AGAP1: variants seen among roughly 807,000 people sequenced by gnomAD.
AGAP1 encodes the protein ArfGAP with GTPase domain, ankyrin repeat and PH domain 1.
A neutral mutation model predicts 105.3 loss-of-function variants in AGAP1; 29 were observed. The ratio of observed to expected loss-of-function variants is 0.28; its 90% CI spans 0.21 to 0.38. AGAP1 has a LOEUF of 0.38. Ranked by LOEUF, AGAP1 falls within the 10% of genes least tolerant of loss-of-function variation. The pLI is 1.00. For synonymous variants in AGAP1, 509 were observed against 485.9 expected (o/e 1.05, Z -0.63); for missense variants, 998 against 1,165.1 (o/e 0.86, Z 2.09).
At chr2:236,072,364 C>G (rs1401889063) in intron 16 of AGAP1, 1 of 152,190 alleles carries the variant, frequency 6.6e-6, no homozygotes, top group Admixed American at 6.5e-5. Flanking sequence ...TCGCTTGAAC[C>G]CGGGAGGCAG....
rs1175888568 is a variant in AGAP1 at position 235,733,568 on chromosome 2, G to T, written c.311-7395G>T. On this transcript the variant is annotated intron_variant, in intron 3 of 17. Transcript: ENST00000304032. The surrounding 1 kb of genome is among the most constrained non-coding windows in gnomAD (Gnocchi z 5.0). Reference sequence around the variant, plus strand: ...TTAGGAAAGGAGGAAAGGAAATTCAGTTATAGTGAAGTTCTAATCTGCCAT... The same window carrying T: ...TTAGGAAAGGAGGAAAGGAAATTCATTTATAGTGAAGTTCTAATCTGCCAT... 5.3e-5 allele frequency among the ~76,000 whole-genome samples: 8 copies of T among 152,212 alleles called. No individual in the cohort carries two copies. Among genetic ancestry groups the T allele is most frequent in the Non-Finnish European group, 1.2e-4 (8 of 68,044 alleles).
chr2:235,520,258 C>CT (rs1418302626), intron 1 of AGAP1, among the ~76,000 whole-genome samples: 1 of 152,222 alleles, frequency 6.6e-6, no homozygotes, highest in African/African-American at 2.4e-5. Context: ...TTCCAGTTGT[C>CT]TCATGATTAC....
intron 16 of AGAP1, among the ~76,000 whole-genome samples, chr2:236,057,357 C>T (rs1004685262): frequency 2.6e-5 from 4 of 152,220 alleles, no homozygotes; most frequent in African/African-American, 9.6e-5. Context: ...GATTTGCCTG[C>T]CTTGGCCCCC....
At chr2:235,848,048 C>T (rs1245290798) in intron 9 of AGAP1, among the ~76,000 whole-genome samples, 1 of 152,202 alleles carries the variant, frequency 6.6e-6, no homozygotes, top group African/African-American at 2.4e-5. Flanking sequence ...ATACCTTTTT[C>T]TAGGCACTGC....
At position 236,020,510 on chromosome 2, in the gene AGAP1, G is replaced by A. The variant is rs954282581; in HGVS notation, c.1646-16051G>A. ...AAGCGTGAGCTGTGGAGTCACACAC[G>A]CCTGGGTCTCATCCCCTCTCTGCCA... On this transcript the variant is annotated intron_variant, in intron 13 of 17. Coordinates refer to ENST00000304032, the MANE Select transcript of AGAP1 (RefSeq NM_001037131.3). The surrounding 1 kb of genome is among the most constrained non-coding windows in gnomAD (Gnocchi z 5.0). Among the ~76,000 whole-genome samples the A allele has an allele frequency of 2.6e-5, 4 of 152,146 alleles. No homozygotes were observed. Among genetic ancestry groups the A allele is most frequent in the Non-Finnish European group, 5.9e-5 (4 of 68,038 alleles).
chr2:236,066,067 C>T (rs570681023), intron 16 of AGAP1, among the ~76,000 whole-genome samples: 1 of 152,292 alleles, frequency 6.6e-6, no homozygotes, highest in South Asian at 2.1e-4. Context: ...CCTGAAAACC[C>T]TTCTTCCATT....
intron 9 of AGAP1, among the ~76,000 whole-genome samples, chr2:235,858,334 A>G (rs2048771521): frequency 6.6e-6 from 1 of 152,246 alleles, no homozygotes; most frequent in Non-Finnish European, 1.5e-5. Context: ...AGAGAAGTAT[A>G]TTTATCAAAC....
rs1430425525 is a variant in AGAP1, at chr2:235,931,663, A to G, written c.1483+740A>G. On this transcript the variant is annotated intron_variant, in intron 12 of 17. Coordinates refer to ENST00000304032, the MANE Select transcript of AGAP1 (RefSeq NM_001037131.3). This position sits in a 1 kb window ranked among gnomAD's most constrained non-coding sequence, Gnocchi z 5.6. ...ATCTATCAGACGGGGTTTTAGAGTAATCTTAGCATAATTTGTTCTAATTAA... is the reference window on the plus strand; with the variant it reads ...ATCTATCAGACGGGGTTTTAGAGTAGTCTTAGCATAATTTGTTCTAATTAA... Among the ~76,000 whole-genome samples, 2 of 151,978 alleles carry G rather than the reference A, an allele frequency of 1.3e-5. No individual in the cohort carries two copies. The highest frequency in any genetic ancestry group is 6.6e-5 in the Admixed American group (1 of 15,254).
rs545611799 is a variant in AGAP1, at chr2:235,901,160, G to A, written c.1156-7578G>A. On this transcript the variant is annotated intron_variant, in intron 10 of 17. Coordinates refer to ENST00000304032, the MANE Select transcript of AGAP1 (RefSeq NM_001037131.3). The surrounding 1 kb of genome is among the most constrained non-coding windows in gnomAD (Gnocchi z 4.3). ...TTATTCATAAATGTGGGATGTGAAC[G>A]TTTGCTTGATCTTTTTGAATGGGTG... 4.6e-5 allele frequency among the ~76,000 whole-genome samples: 7 copies of A among 152,138 alleles called. No individual in the cohort carries two copies. Among genetic ancestry groups the A allele is most frequent in the South Asian group, 4.1e-4 (2 of 4,834 alleles).
chr2:236,017,849 A>G (rs572062476), intron 13 of AGAP1, among the ~76,000 whole-genome samples: 2 of 152,276 alleles, frequency 1.3e-5, no homozygotes, highest in Admixed American at 6.5e-5. Flanking sequence ...GAAAATTGGG[A>G]TTCTGATAAC....
chr2:236,049,681 C>CCG (rs2057838187), intron 16 of AGAP1: 1 of 155,500 alleles, frequency 6.4e-6, no homozygotes, highest in African/African-American at 2.4e-5. Flanking sequence ...ATCCCCCCCC[C>CCG]GCACCATCAC....
rs1948045641 is a variant in AGAP1, at chr2:235,663,951, G to C, written c.164-45228G>C. Reference sequence around the variant, plus strand: ...GATTTCTTGGTTTTTCTGCACAAAAGCTCCAGGGCTGCTTTGAGGCTGTCT... The same window carrying C: ...GATTTCTTGGTTTTTCTGCACAAAACCTCCAGGGCTGCTTTGAGGCTGTCT... On this transcript the variant is annotated intron_variant, in intron 1 of 17. Transcript: ENST00000304032. This position sits in a 1 kb window ranked among gnomAD's most constrained non-coding sequence, Gnocchi z 5.4. 6.6e-6 allele frequency among the ~76,000 whole-genome samples: 1 copy of C among 152,108 alleles called. No homozygotes were observed. The highest frequency in any genetic ancestry group is 1.5e-5 in the Non-Finnish European group (1 of 68,016).
At position 235,494,675 on chromosome 2, in the gene AGAP1, G is replaced by C. The variant is rs368688283; in HGVS notation, c.-12G>C. On this transcript the variant is annotated 5_prime_UTR_variant, in exon 1 of 18. Coordinates refer to ENST00000304032, the MANE Select transcript of AGAP1 (RefSeq NM_001037131.3). Reference sequence around the variant, plus strand: ...GCGGGGGGCGCGCGGCTCCGGGCGCGGCGCCTGCACCATGAACTACCAGCA... The same window carrying C: ...GCGGGGGGCGCGCGGCTCCGGGCGCCGCGCCTGCACCATGAACTACCAGCA... 1 of 1,301,876 alleles carries C rather than the reference G, an allele frequency of 7.7e-7. No individual in the cohort carries two copies. Among genetic ancestry groups the C allele is most frequent in the East Asian group, 3.6e-5 (1 of 27,666 alleles). The allele number at this position is 1,301,876 out of a possible 1,614,324, so 80.6% of individuals were successfully genotyped here. A position where few individuals can be genotyped will look rare whatever the true frequency, so the allele number is the denominator to read the frequency against.
intron 16 of AGAP1, among the ~76,000 whole-genome samples, chr2:236,052,316 CACCCCCAA>C (rs1234133981): frequency 6.6e-6 from 1 of 152,118 alleles, no homozygotes; most frequent in Non-Finnish European, 1.5e-5. Flanking sequence ...AGCCTGCCCC[CACCCCCAA>C]ACACACAAAC....
Position 236,027,672 on chromosome 2 carries a change from C to G in AGAP1, c.1646-8889C>G, listed in dbSNP as rs962594104. On this transcript the variant is annotated intron_variant, in intron 13 of 17. Transcript: ENST00000304032. The surrounding 1 kb of genome is among the most constrained non-coding windows in gnomAD (Gnocchi z 4.4). ...TCTTGATTTGGGAGCTGATGCTGGACCCCGCATTGACGAGACAGAGGGGGC... is the reference window on the plus strand; with the variant it reads ...TCTTGATTTGGGAGCTGATGCTGGAGCCCGCATTGACGAGACAGAGGGGGC... 1.9e-4 allele frequency among the ~76,000 whole-genome samples: 28 copies of G among 150,664 alleles called. No homozygotes were observed. The highest frequency in any genetic ancestry group is 4.6e-4 in the Admixed American group (7 of 15,226).
At chr2:235,512,091 G>A (rs1574726214) in intron 1 of AGAP1, among the ~76,000 whole-genome samples, 1 of 41,016 alleles carries the variant, frequency 2.4e-5, no homozygotes, top group Non-Finnish European at 4.1e-5. Context: ...GTGTGTGAAT[G>A]TGTGTGTGTG....
intron 12 of AGAP1, among the ~76,000 whole-genome samples, chr2:235,949,403 G>A (rs1575857276): frequency 6.6e-6 from 1 of 152,070 alleles, no homozygotes; most frequent in Admixed American, 6.6e-5. Flanking sequence ...TTCAAAAGAG[G>A]GCGGTGGCCA....
rs1297541117 is a variant in AGAP1, at chr2:235,976,649, G to A, written c.1645+8026G>A. On this transcript the variant is annotated intron_variant, in intron 13 of 17. Coordinates refer to ENST00000304032, the MANE Select transcript of AGAP1 (RefSeq NM_001037131.3). The surrounding 1 kb of genome is among the most constrained non-coding windows in gnomAD (Gnocchi z 4.5). The stretch of plus-strand genomic sequence containing the variant: ...CAAGAGTTTTGTCTGATGCTGGATG[G>A]GACATCAACTGAAGCGGCCCAGCCA... 6.6e-6 allele frequency among the ~76,000 whole-genome samples: 1 copy of A among 152,104 alleles called. No individual in the cohort carries two copies. Among genetic ancestry groups the A allele is most frequent in the Non-Finnish European group, 1.5e-5 (1 of 68,032 alleles).
Position 235,633,758 on chromosome 2 carries a change from A to G in AGAP1, c.164-75421A>G, listed in dbSNP as rs1946903406. Reference sequence around the variant, plus strand: ...TAATTACCTTATGACAGCTTTACCTAAAAAGATGGGGGAAGGTTACAGTAA... The same window carrying G: ...TAATTACCTTATGACAGCTTTACCTGAAAAGATGGGGGAAGGTTACAGTAA... On this transcript the variant is annotated intron_variant, in intron 1 of 17. Transcript: ENST00000304032. This position sits in a 1 kb window ranked among gnomAD's most constrained non-coding sequence, Gnocchi z 4.8. Among the ~76,000 whole-genome samples, 1 of 152,116 alleles carries G rather than the reference A, an allele frequency of 6.6e-6. No homozygotes were observed. Among genetic ancestry groups the G allele is most frequent in the Admixed American group, 6.6e-5 (1 of 15,262 alleles).
Sources: gnomAD v4.1 joint callset for allele counts (sites outside exome capture counted in the v4.1 genomes callset) on GRCh38, gnomAD v4.1.1 for gene constraint, Gnocchi (gnomAD v3.1) non-coding constraint, MANE v1.5 for transcripts, NCBI Gene and HGNC (gene_info 2026-07-23, HGNC 2026-07-21) for gene names.